The following GSE1 variants were observed in gnomAD, a reference collection of about 807,000 sequenced individuals.
The protein encoded by GSE1 is Gse1 coiled-coil protein.
In GSE1, 32 loss-of-function variants were observed where a neutral mutation model predicts 112.6. That is an observed-to-expected ratio of 0.28 (90% CI 0.21 to 0.38). The LOEUF is 0.38. Ranked by LOEUF, GSE1 falls within the 10% of genes least tolerant of loss-of-function variation. The pLI, the probability that GSE1 is intolerant of heterozygous loss-of-function variation, is 1.00. For missense variants in GSE1, 2,348 were observed against 1,699.2 expected (o/e 1.38, Z -6.71); for synonymous variants, 1,115 against 735.6 (o/e 1.52, Z -8.35).
chr16:85,498,988 A>G (rs1194198059), intron 2 of GSE1, among the ~76,000 whole-genome samples: 2 of 152,218 alleles, frequency 1.3e-5, no homozygotes, highest in South Asian at 4.1e-4. Flanking sequence ...CAGAGTGGGG[A>G]GAAGGGCAGG....
intron 1 of GSE1, among the ~76,000 whole-genome samples, chr16:85,558,738 T>C (rs977246786): frequency 2.0e-5 from 3 of 152,256 alleles, no homozygotes; most frequent in Admixed American, 6.5e-5. Flanking sequence ...ACTGGGGTTT[T>C]ACACTTTATT....
chr16:85,376,315 C>G (rs1161653339), intron 2 of GSE1, among the ~76,000 whole-genome samples: 1 of 152,212 alleles, frequency 6.6e-6, no homozygotes, highest in East Asian at 1.9e-4. Context: ...TCGGTTAGTC[C>G]TGGGGAGGTG....
upstream of GSE1, among the ~76,000 whole-genome samples, chr16:85,554,037 A>AC (rs2045071409): frequency 6.6e-6 from 1 of 151,824 alleles, no homozygotes; most frequent in Non-Finnish European, 1.5e-5. Context: ...TCAAAAGGTG[A>AC]CCCCTTAGTG....
chr16:85,217,623 G>A (rs1017771041), intron 1 of GSE1, among the ~76,000 whole-genome samples: 3 of 152,214 alleles, frequency 2.0e-5, no homozygotes, highest in African/African-American at 4.8e-5. Context: ...AGTTAAATGC[G>A]TGAATACATG....
At chr16:85,506,985 G>A (rs917073680) in intron 2 of GSE1, among the ~76,000 whole-genome samples, 1 of 152,166 alleles carries the variant, frequency 6.6e-6, no homozygotes, top group Non-Finnish European at 1.5e-5. Flanking sequence ...CTTGGAGTCC[G>A]TAGCCTTGGT....
intron 2 of GSE1, among the ~76,000 whole-genome samples, chr16:85,415,890 A>T (rs2048692946): frequency 6.6e-6 from 1 of 152,232 alleles, no homozygotes; most frequent in African/African-American, 2.4e-5. Flanking sequence ...TGGATCCGTT[A>T]TCACTTCATT....
At chr16:85,254,671 G>T (rs1006250138) in intron 1 of GSE1, among the ~76,000 whole-genome samples, 3 of 152,188 alleles carry the variant, frequency 2.0e-5, no homozygotes, top group African/African-American at 7.2e-5. Flanking sequence ...ACACACCTGT[G>T]ACCAGGATGA....
At chr16:85,368,922 G>T (rs970475260) in intron 2 of GSE1, among the ~76,000 whole-genome samples, 7 of 152,112 alleles carry the variant, frequency 4.6e-5, no homozygotes, top group African/African-American at 1.7e-4. Context: ...TGAGCACATG[G>T]AGGGGGTCCT....
At chr16:85,425,865 T>C (rs2048965160) in intron 2 of GSE1, among the ~76,000 whole-genome samples, 1 of 152,236 alleles carries the variant, frequency 6.6e-6, no homozygotes, top group Non-Finnish European at 1.5e-5. Flanking sequence ...GACCTCACAA[T>C]ATCATCCCTT....
intron 1 of GSE1, among the ~76,000 whole-genome samples, chr16:85,289,819 G>C (rs1450339083): frequency 6.6e-6 from 1 of 152,180 alleles, no homozygotes. Flanking sequence ...CTCACAGGCT[G>C]GGGGGCTCCT....
chr16:85,648,821 GC>G (rs2051097030), intron 3 of GSE1, 70 bp downstream of exon 3: 2 of 869,904 alleles, frequency 2.3e-6, no homozygotes, highest in African/African-American at 3.5e-5. Flanking sequence ...TCCATTGGGG[GC>G]TCTGGAGCTT....
At chr16:85,235,427 AC>A (rs1904502339) in intron 1 of GSE1, among the ~76,000 whole-genome samples, 2 of 65,004 alleles carry the variant, frequency 3.1e-5, no homozygotes, top group South Asian at 1.2e-3. Context: ...ATGGAAGGGT[AC>A]TGTGTGTGTG....
At chr16:85,287,893 G>A (rs1019848195) in intron 1 of GSE1, among the ~76,000 whole-genome samples, 1 of 152,134 alleles carries the variant, frequency 6.6e-6, no homozygotes, top group Non-Finnish European at 1.5e-5. Context: ...TAATGCCTGC[G>A]CACAGTAGGC....
intron 2 of GSE1, among the ~76,000 whole-genome samples, chr16:85,494,820 C>T (rs940975266): frequency 6.6e-6 from 1 of 152,258 alleles, no homozygotes; most frequent in African/African-American, 2.4e-5. Flanking sequence ...GTGTGACCCC[C>T]TGTTCTTCTG....
At chr16:85,377,603 G>A (rs1024122971) in intron 2 of GSE1, among the ~76,000 whole-genome samples, 4 of 152,228 alleles carry the variant, frequency 2.6e-5, no homozygotes, top group Admixed American at 6.5e-5. Context: ...GTAAGCAAGC[G>A]TAAGCAGCAG....
rs535438891 is a variant in GSE1 at position 85,447,106 on chromosome 16, C to A, written c.2464+89463C>A. Among the ~76,000 whole-genome samples, 11 of 152,344 alleles carry A rather than the reference C, an allele frequency of 7.2e-5. No individual in the cohort carries two copies. The South Asian group carries it at 1.7e-3, about 23-fold the overall frequency. ...GGGCCTCTCACTCTGGGCCCTCTGC[C>A]CTGCTGCTTTCTGGGCCTCCGTGTC... On this transcript the variant is annotated intron_variant, in intron 2 of 2. Coordinates refer to the GSE1 transcript ENST00000637419.
chr16:85,432,899 T>C (rs527253599), intron 2 of GSE1, among the ~76,000 whole-genome samples: 56 of 152,220 alleles, frequency 3.7e-4, no homozygotes, highest in Admixed American at 1.4e-3. Context: ...TCTATACGGG[T>C]CATCCTGTGG....
At chr16:85,629,200 A>G (rs1036409146) in intron 1 of GSE1, among the ~76,000 whole-genome samples, 9 of 152,220 alleles carry the variant, frequency 5.9e-5, no homozygotes, top group Non-Finnish European at 1.0e-4. Flanking sequence ...AGGAGCCAAA[A>G]TAAGCCTCTT....
At chr16:85,596,299 T>TGAAGC (rs1400441851) in intron 1 of GSE1, among the ~76,000 whole-genome samples, 1 of 152,152 alleles carries the variant, frequency 6.6e-6, no homozygotes, top group African/African-American at 2.4e-5. Context: ...ACTTGGGAAA[T>TGAAGC]GAAGCCTCAA....
Sources: allele counts gnomAD v4.1 joint callset (sites outside exome capture counted in the v4.1 genomes callset), GRCh38; gene constraint gnomAD v4.1.1; transcripts MANE v1.5; gene names NCBI Gene and HGNC (gene_info 2026-07-23, HGNC 2026-07-21).